Variants in ZNF678 observed in about 807,000 individuals in gnomAD.
ZNF678 encodes the protein hypothetical protein MGC42493.
In ZNF678, 5 loss-of-function variants were observed where a neutral mutation model predicts 3.0. That is an observed-to-expected ratio of 1.69 (90% CI 0.88 to 3.56). The LOEUF is 3.56. ZNF678 is among the 30% of genes most tolerant of loss of function. The pLI is 0.00. For synonymous variants in ZNF678, 218 were observed against 199.6 expected (o/e 1.09, Z -0.78); for missense variants, 593 against 605.0 (o/e 0.98, Z 0.21).
Position 227,655,732 on chromosome 1 carries a change from T to C in ZNF678, c.1482T>C (p.Cys494=). ...TGEKRYKCKE[C]GKGFYQSSIH... is the part of the protein sequence containing the mutation. ...AGAAACGCTACAAATGTAAAGAATG[T>C]GGAAAAGGTTTTTACCAATCCTCAA... Residue 494 remains cysteine (C), a synonymous_variant, in exon 4 of 4, where the codon TGT becomes TGC. Transcript: ENST00000343776. 1 of 1,612,480 alleles carries C rather than the reference T, an allele frequency of 6.2e-7. No homozygotes were observed. The highest frequency in any genetic ancestry group is 2.2e-5 in the East Asian group (1 of 44,812).
At chr1:227,567,266 A>G (rs1316982143) in intron 1 of ZNF678, among the ~76,000 whole-genome samples, 3 of 152,216 alleles carry the variant, frequency 2.0e-5, no homozygotes, top group African/African-American at 4.8e-5. Context: ...GTGTCTTACA[A>G]TTTTATTCCC....
chr1:227,625,241 G>A (rs1571895673), intron 1 of ZNF678, among the ~76,000 whole-genome samples: 1 of 152,126 alleles, frequency 6.6e-6, no homozygotes, highest in Non-Finnish European at 1.5e-5. Context: ...GGAATTCTTC[G>A]TCGGCCTAGG....
At chr1:227,628,269 G>A (rs1658466227) in intron 1 of ZNF678, among the ~76,000 whole-genome samples, 1 of 152,192 alleles carries the variant, frequency 6.6e-6, no homozygotes. Context: ...TCGGACCTGT[G>A]TAAGGACTTC....
At chr1:227,625,213 C>G (rs2102774414) in intron 1 of ZNF678, among the ~76,000 whole-genome samples, 1 of 152,274 alleles carries the variant, frequency 6.6e-6, no homozygotes, top group Admixed American at 6.5e-5. Context: ...GTGCGGTCAC[C>G]CTCCCTAGCT....
At position 227,657,414 on chromosome 1, in the gene ZNF678, A is replaced by G. The variant is rs566170597; in HGVS notation, c.*1586A>G. The G allele has an allele frequency of 6.6e-6, 1 of 152,088 alleles. No individual in the cohort carries two copies. Among genetic ancestry groups the G allele is most frequent in the East Asian group, 1.9e-4 (1 of 5,186 alleles). The allele number at this position is 152,088 out of a possible 1,614,324, so 9.4% of individuals were successfully genotyped here. A position where few individuals can be genotyped will look rare whatever the true frequency, so the allele number is the denominator to read the frequency against. On this transcript the variant is annotated 3_prime_UTR_variant, in exon 4 of 4. Transcript: ENST00000343776. ...AAGTATTCCCTTCTAGCAGCACAAA[A>G]TGGACTAACATCCCATAGGTTATAT... is the stretch of plus-strand genomic sequence containing the variant.
intron 1 of ZNF678, among the ~76,000 whole-genome samples, chr1:227,630,205 AT>A (rs1445072901): frequency 6.6e-6 from 1 of 152,104 alleles, no homozygotes; most frequent in African/African-American, 2.4e-5. Flanking sequence ...AGGCAGTAGG[AT>A]TTTGTTCCTT....
intron 1 of ZNF678, among the ~76,000 whole-genome samples, chr1:227,620,948 A>G (rs1245881547): frequency 5.3e-5 from 8 of 152,156 alleles, no homozygotes; most frequent in Non-Finnish European, 1.5e-5. Context: ...GGTAGATCAC[A>G]TTACTCAGAT....
At chr1:227,607,939 A>G (rs1240878089) in intron 1 of ZNF678, among the ~76,000 whole-genome samples, 2 of 151,468 alleles carry the variant, frequency 1.3e-5, no homozygotes, top group Non-Finnish European at 3.0e-5. Flanking sequence ...TATAGGAAAA[A>G]TTGACACAAC....
chr1:227,611,811 C>T (rs978207354), intron 1 of ZNF678, among the ~76,000 whole-genome samples: 1 of 152,126 alleles, frequency 6.6e-6, no homozygotes, highest in African/African-American at 2.4e-5. Flanking sequence ...GACCAAGACA[C>T]TGACAGGATT....
At chr1:227,664,898 C>G (rs1301391396), downstream of ZNF678, among the ~76,000 whole-genome samples, 2 of 152,198 alleles carry the variant, frequency 1.3e-5, no homozygotes, top group Non-Finnish European at 2.9e-5. Context: ...TATGCAAGCA[C>G]AGCCTCTCTC....
At chr1:227,599,883 G>T (rs115240912) in intron 1 of ZNF678, among the ~76,000 whole-genome samples, 1,744 of 152,152 alleles carry the variant, frequency 0.011, 36 homozygotes, top group African/African-American at 0.039. Context: ...GTGTAATGGG[G>T]GTTGGTTGGT....
intron 1 of ZNF678, among the ~76,000 whole-genome samples, chr1:227,614,018 G>C (rs1011027757): frequency 4.6e-5 from 7 of 152,200 alleles, no homozygotes; most frequent in Non-Finnish European, 1.0e-4. Context: ...CAGAAAGCTA[G>C]TGAGCTGTGA....
At chr1:227,641,727 A>G (rs1311026287) in intron 1 of ZNF678, among the ~76,000 whole-genome samples, 1 of 151,046 alleles carries the variant, frequency 6.6e-6, no homozygotes, top group Admixed American at 6.6e-5. Context: ...TGGAATCTAC[A>G]GTTCTTTGAG....
At chr1:227,649,056 A>C (rs1659026103) in intron 2 of ZNF678, among the ~76,000 whole-genome samples, 1 of 152,130 alleles carries the variant, frequency 6.6e-6, no homozygotes, top group Non-Finnish European at 1.5e-5. Flanking sequence ...TATTTTTATG[A>C]CCGAATAATA....
intron 1 of ZNF678, among the ~76,000 whole-genome samples, chr1:227,631,879 A>G (rs1187525604): frequency 6.6e-6 from 1 of 152,218 alleles, no homozygotes; most frequent in Non-Finnish European, 1.5e-5. Context: ...TTGGGAACAC[A>G]GTGGAAGGAC....
chr1:227,669,782 A>G (rs1659570064), intron 5 of ZNF678, among the ~76,000 whole-genome samples: 1 of 152,244 alleles, frequency 6.6e-6, no homozygotes, highest in African/African-American at 2.4e-5. Context: ...CACTGTGGAA[A>G]GCAGTTTGGA....
intron 1 of ZNF678, among the ~76,000 whole-genome samples, chr1:227,632,445 C>CT (rs1658570000): frequency 6.6e-6 from 1 of 152,116 alleles, no homozygotes. Flanking sequence ...GCATGGGCGA[C>CT]TGTTGAGTAG....
intron 1 of ZNF678, among the ~76,000 whole-genome samples, chr1:227,625,801 A>C (rs1441463894): frequency 6.6e-6 from 1 of 152,086 alleles, no homozygotes; most frequent in Admixed American, 6.6e-5. Flanking sequence ...CTCTTGCCTG[A>C]TCTTGAACTC....
Position 227,651,003 on chromosome 1 carries a change from A to T in ZNF678, c.12A>T (p.Ile4=). The T allele has an allele frequency of 6.2e-7, 1 of 1,613,058 alleles. No homozygotes were observed. Among genetic ancestry groups the T allele is most frequent in the Non-Finnish European group, 8.5e-7 (1 of 1,179,742 alleles). Residue 4 remains isoleucine, a synonymous_variant, in exon 3 of 4, where the codon ATA becomes ATT. Transcript: ENST00000343776. The stretch of plus-strand genomic sequence containing the variant: ...TAGAAGCATTGATAATGGGCACAAT[A>T]TCACTTTGCATTGGTGTCTGTGCAT... MGT[I]SLCIGVCAFE...
Sources: gnomAD v4.1 joint callset for allele counts (sites outside exome capture counted in the v4.1 genomes callset) on GRCh38, gnomAD v4.1.1 for gene constraint, MANE v1.5 for transcripts, NCBI Gene and HGNC (gene_info 2026-07-23, HGNC 2026-07-21) for gene names.